The following USH2A variants were observed in gnomAD, a reference collection of about 807,000 sequenced individuals.
USH2A encodes usherin, also known as Usher syndrome 2A (autosomal recessive, mild).
A neutral mutation model predicts 538.9 loss-of-function variants in USH2A; 443 were observed. That is an observed-to-expected ratio of 0.82 (90% CI 0.76 to 0.89). The LOEUF (loss-of-function observed/expected upper bound fraction) is 0.89. USH2A is among the 40% of genes least tolerant of loss of function. The probability of loss-of-function intolerance (pLI) is 0.00; values close to 1 mark genes in which losing one functional copy is unlikely to be tolerated. For missense variants in USH2A, 6,633 were observed against 6,324.8 expected, an observed-to-expected ratio of 1.05 and a Z score of -1.65; for synonymous variants, 2,413 against 2,273.5, an observed-to-expected ratio of 1.06 and a Z score of -1.75.
intron 53 of USH2A, 40 bp from the exon 54 acceptor site, chr1:215,782,236 T>C: frequency 6.2e-7 from 1 of 1,602,966 alleles, no homozygotes; most frequent in Admixed American, 1.7e-5. Context: ...GAATGTGATA[T>C]CATTTTAACT....
chr1:215,702,410 G>A (rs1659057815), intron 61 of USH2A, among the ~76,000 whole-genome samples: 1 of 152,058 alleles, frequency 6.6e-6, no homozygotes, highest in South Asian at 2.1e-4. Flanking sequence ...ATCCTGAAGT[G>A]TGTTTTCCAA....
chr1:215,942,253 G>C (rs1447186790), intron 37 of USH2A, among the ~76,000 whole-genome samples: 1 of 151,994 alleles, frequency 6.6e-6, no homozygotes, highest in Admixed American at 6.6e-5. Flanking sequence ...TTCCCATATG[G>C]GCCTCCCCAG....
chr1:215,649,275 A>C (rs537747960), intron 65 of USH2A, among the ~76,000 whole-genome samples: 4 of 152,286 alleles, frequency 2.6e-5, no homozygotes, highest in Admixed American at 6.5e-5. Context: ...TTGAAAGTCT[A>C]TCTCTTCCTC....
chr1:215,743,461 GACACACA>G (rs1660375453), intron 58 of USH2A, 126 bp from the exon 59 acceptor site: 6 of 227,930 alleles, frequency 2.6e-5, no homozygotes, highest in African/African-American at 1.8e-4. Context: ...AATATATATA[GACACACA>G]TATATATATA....
chr1:215,915,413 A>C (rs1444927812), intron 38 of USH2A, among the ~76,000 whole-genome samples: 1 of 152,078 alleles, frequency 6.6e-6, no homozygotes, highest in Non-Finnish European at 1.5e-5. Context: ...AAGAATTTTG[A>C]GGTTTTAAAC....
chr1:215,701,022 G>A (rs1174931640), intron 61 of USH2A, among the ~76,000 whole-genome samples: 1 of 152,094 alleles, frequency 6.6e-6, no homozygotes, highest in Non-Finnish European at 1.5e-5. Context: ...TGTTCTCATT[G>A]GTTTCAATGA....
chr1:215,896,389 A>G (rs1427095127), intron 40 of USH2A, among the ~76,000 whole-genome samples: 1 of 151,978 alleles, frequency 6.6e-6, no homozygotes, highest in Non-Finnish European at 1.5e-5. Flanking sequence ...TATGCCATAT[A>G]TGTTTGTCAT....
intron 14 of USH2A, 45 bp downstream of exon 14, chr1:216,231,906 CTG>C (rs1368142632): frequency 1.2e-6 from 2 of 1,612,016 alleles, no homozygotes; most frequent in Non-Finnish European, 1.7e-6. Context: ...AAAAAGTTAA[CTG>C]TTGCTAAAGA....
At chr1:215,776,832 C>T (rs912399579) in intron 55 of USH2A, among the ~76,000 whole-genome samples, 2 of 152,114 alleles carry the variant, frequency 1.3e-5, no homozygotes, top group East Asian at 3.9e-4. Flanking sequence ...CTGAATTTTC[C>T]TGGGCAAATG....
chr1:216,117,284 G>A (rs971966072), intron 21 of USH2A, among the ~76,000 whole-genome samples: 6 of 152,022 alleles, frequency 3.9e-5, no homozygotes, highest in African/African-American at 1.2e-4. Context: ...CTCCAAATAC[G>A]TAGTTTGAAA....
At chr1:216,170,083 C>T (rs556552688) in intron 21 of USH2A, among the ~76,000 whole-genome samples, 1 of 152,020 alleles carries the variant, frequency 6.6e-6, no homozygotes, top group East Asian at 1.9e-4. Flanking sequence ...AAGAAGTTTG[C>T]CCTACTTGCA....
At chr1:216,238,694 A>G (rs1427400040) in intron 13 of USH2A, among the ~76,000 whole-genome samples, 1 of 152,242 alleles carries the variant, frequency 6.6e-6, no homozygotes, top group Non-Finnish European at 1.5e-5. Context: ...TAGTAAGGTT[A>G]GGTTAATAAT....
chr1:215,856,832 G>GGTGTGTGT (rs71159889), intron 44 of USH2A, among the ~76,000 whole-genome samples: 93 of 141,996 alleles, frequency 6.5e-4, no homozygotes, highest in South Asian at 3.6e-3. Context: ...AAAAAAATTT[G>GGTGTGTGT]GTGTGTGTGT....
At chr1:216,171,431 T>C (rs1490451293) in intron 21 of USH2A, among the ~76,000 whole-genome samples, 1 of 152,094 alleles carries the variant, frequency 6.6e-6, no homozygotes, top group Non-Finnish European at 1.5e-5. Flanking sequence ...CATTTTAATA[T>C]GGAATATTGC....
chr1:216,226,915 G>T (rs2035573890), intron 14 of USH2A, among the ~76,000 whole-genome samples: 1 of 152,150 alleles, frequency 6.6e-6, no homozygotes, highest in Non-Finnish European at 1.5e-5. Context: ...AACCTGGGTA[G>T]ACTGTCTCTT....
At chr1:215,841,865 CA>C (rs907021636) in intron 46 of USH2A, among the ~76,000 whole-genome samples, 1 of 151,186 alleles carries the variant, frequency 6.6e-6, no homozygotes, top group African/African-American at 2.4e-5. Flanking sequence ...ACAACCCCAT[CA>C]AAAAAAATGG....
intron 38 of USH2A, among the ~76,000 whole-genome samples, chr1:215,928,221 T>G (rs1666284693): frequency 6.6e-6 from 1 of 152,150 alleles, no homozygotes; most frequent in Middle Eastern, 3.4e-3. Context: ...TAAGAAGAGA[T>G]CAGAATTTTC....
In USH2A at chr1:215,989,455, G is replaced by A. The variant is rs60877699; in HGVS notation, c.6805+3565C>T. 4.4e-3 allele frequency among the ~76,000 whole-genome samples: 671 copies of A among 152,176 alleles called. 4 individuals carry two copies. Among genetic ancestry groups the A allele is most frequent in the African/African-American group, 0.015 (612 of 41,516 alleles). ...ATTCATTTATATGGATATTTTCCCC[G>A]AGGACTCTGATATCCTTGAGATCAA... On this transcript the variant is annotated intron_variant, in intron 35 of 71. Coordinates refer to ENST00000307340, the MANE Select transcript of USH2A (RefSeq NM_206933.4).
chr1:215,947,337 C>T (rs564301304), intron 37 of USH2A, among the ~76,000 whole-genome samples: 1 of 152,316 alleles, frequency 6.6e-6, no homozygotes, highest in Non-Finnish European at 1.5e-5. Context: ...AGCCACCGCA[C>T]CAAGCCCTAC....
Sources: gnomAD v4.1 joint callset for allele counts (sites outside exome capture counted in the v4.1 genomes callset) on GRCh38, gnomAD v4.1.1 for gene constraint, MANE v1.5 for transcripts, NCBI Gene and HGNC (gene_info 2026-07-23, HGNC 2026-07-21) for gene names.